RGS5: variants seen among roughly 807,000 people sequenced by gnomAD.
RGS5 encodes the protein regulator of G-protein signalling 5.
RGS5 carries 20 observed loss-of-function variants against 18.9 expected under a neutral mutation model. The ratio of observed to expected loss-of-function variants is 1.06; its 90% confidence interval spans 0.74 to 1.54. RGS5 has a LOEUF of 1.54. RGS5 is among the 40% of genes most tolerant of loss of function. The probability of loss-of-function intolerance (pLI) is 0.00; values close to 1 mark genes in which losing one functional copy is unlikely to be tolerated. For synonymous variants in RGS5, 57 were observed against 76.2 expected (o/e 0.75, Z 1.31); for missense variants, 201 against 211.8 (o/e 0.95, Z 0.32).
chr1:163,208,239 T>G (rs1253523112), intron 1 of RGS5, among the ~76,000 whole-genome samples: 2 of 134,536 alleles, frequency 1.5e-5, no homozygotes, highest in African/African-American at 5.8e-5. Flanking sequence ...TTCCAGCTAC[T>G]CCGGAGGCTG....
chr1:163,279,560 A>G (rs1037820304), intron 2 of RGS5, among the ~76,000 whole-genome samples: 1 of 152,030 alleles, frequency 6.6e-6, no homozygotes, highest in Non-Finnish European at 1.5e-5. Context: ...AAACAACTAC[A>G]TCAAAAAAAC....
chr1:163,268,075 T>A (rs555946758), intron 2 of RGS5, among the ~76,000 whole-genome samples: 1 of 152,082 alleles, frequency 6.6e-6, no homozygotes, highest in Admixed American at 6.6e-5. Flanking sequence ...GTGGCTTTAC[T>A]AGATAACTCA....
intron 2 of RGS5, among the ~76,000 whole-genome samples, chr1:163,274,527 G>C (rs1363621272): frequency 6.6e-6 from 1 of 152,170 alleles, no homozygotes; most frequent in Non-Finnish European, 1.5e-5. Flanking sequence ...TAAGTAGAGT[G>C]TTTTCCTGAG....
intron 2 of RGS5, among the ~76,000 whole-genome samples, chr1:163,243,875 A>G (rs1336728703): frequency 2.0e-5 from 3 of 152,094 alleles, no homozygotes; most frequent in Admixed American, 6.6e-5. Context: ...TGAGAGATAG[A>G]ATATTGTATT....
rs549404455 is a variant in RGS5 at position 163,310,131 on chromosome 1, C to T, written c.-377-3802G>A. ...GTTGTTCCATTGACAGAGTAGAGGC[C>T]GAGTAGATTCAGCATAATTCTTAAG... On this transcript the variant is annotated intron_variant, in intron 1 of 5. Coordinates refer to the RGS5 transcript ENST00000618415. 4.6e-5 allele frequency among the ~76,000 whole-genome samples: 7 copies of T among 152,132 alleles called. No homozygotes were observed. In the South Asian group the frequency reaches 1.0e-3, roughly 23 times the overall value.
chr1:163,151,329 AAAG>A (rs1407326437), intron 4 of RGS5, among the ~76,000 whole-genome samples: 3 of 152,212 alleles, frequency 2.0e-5, no homozygotes, highest in Admixed American at 2.0e-4. Context: ...AATAAAGGAT[AAAG>A]AAGAGTAGAA....
At chr1:163,153,236 T>A (rs936292583) in intron 3 of RGS5, among the ~76,000 whole-genome samples, 2 of 152,166 alleles carry the variant, frequency 1.3e-5, no homozygotes, top group Non-Finnish European at 2.9e-5. Flanking sequence ...GCACTATGAT[T>A]TAAGTCACCA....
chr1:163,226,562 A>G (rs972252253), intron 2 of RGS5, among the ~76,000 whole-genome samples: 5 of 152,126 alleles, frequency 3.3e-5, no homozygotes, highest in African/African-American at 1.2e-4. Context: ...TGTTCCATAA[A>G]TCTATTGTGG....
intron 2 of RGS5, among the ~76,000 whole-genome samples, chr1:163,270,951 T>C (rs565655413): frequency 1.3e-5 from 2 of 152,304 alleles, no homozygotes; most frequent in South Asian, 4.1e-4. Flanking sequence ...TTAAAATAGA[T>C]ACAGCTTTGT....
intron 2 of RGS5, among the ~76,000 whole-genome samples, chr1:163,305,770 CTCTA>C (rs961183803): frequency 1.6e-4 from 24 of 152,144 alleles, no homozygotes; most frequent in Non-Finnish European, 2.8e-4. Context: ...TTGTTTGCAT[CTCTA>C]TCTACTATGA....
chr1:163,269,410 A>G (rs1405429748), intron 2 of RGS5, among the ~76,000 whole-genome samples: 2 of 152,130 alleles, frequency 1.3e-5, no homozygotes, highest in Non-Finnish European at 2.9e-5. Context: ...CATCTCTCCA[A>G]CATAGCAGGG....
intron 1 of RGS5, among the ~76,000 whole-genome samples, chr1:163,171,273 C>T (rs952771768): frequency 1.3e-5 from 2 of 152,022 alleles, no homozygotes; most frequent in African/African-American, 4.8e-5. Context: ...TTGTGGCTAC[C>T]CTCTGCTGAC....
At chr1:163,185,476 G>A (rs1324278842) in intron 1 of RGS5, among the ~76,000 whole-genome samples, 3 of 152,096 alleles carry the variant, frequency 2.0e-5, no homozygotes, top group African/African-American at 7.2e-5. Flanking sequence ...ATTCCATCAA[G>A]AGTCCAGTTA....
At chr1:163,238,506 T>C (rs1647691574) in intron 2 of RGS5, 1 of 154,264 alleles carries the variant, frequency 6.5e-6, no homozygotes, top group South Asian at 2.1e-4. Context: ...GTTTGAACTT[T>C]CCTCTTAATA....
chr1:163,307,843 C>T (rs929297282), intron 1 of RGS5, among the ~76,000 whole-genome samples: 3 of 152,130 alleles, frequency 2.0e-5, no homozygotes, highest in Admixed American at 6.5e-5. Context: ...ACCACAGCAG[C>T]CTTATTAGTA....
rs1392232684 is a variant in RGS5 at position 163,143,328 on chromosome 1, A to C, written c.*4014T>G. On this transcript the variant is annotated 3_prime_UTR_variant, in exon 5 of 5. Transcript: ENST00000313961. ...GCACCAAACTTCATGTCCAAAACCT[A>C]CATAGAATTGCCTACCCCTTGGGTT... The C allele has an allele frequency of 6.6e-6, 1 of 152,182 alleles. No individual in the cohort carries two copies. The highest frequency in any genetic ancestry group is 1.9e-4 in the East Asian group (1 of 5,196). The allele number at this position is 152,182 out of a possible 1,614,324, so 9.4% of individuals were successfully genotyped here.
intron 1 of RGS5, among the ~76,000 whole-genome samples, chr1:163,174,782 T>C (rs1192656558): frequency 6.6e-6 from 1 of 152,200 alleles, no homozygotes; most frequent in African/African-American, 2.4e-5. Context: ...GCATAGGCTA[T>C]TCCTGTGGTT....
chr1:163,222,993 C>A (rs959206455), intron 2 of RGS5, among the ~76,000 whole-genome samples: 20 of 152,068 alleles, frequency 1.3e-4, no homozygotes, highest in African/African-American at 4.3e-4. Context: ...TACAGACGTG[C>A]ACCACCACAT....
intron 1 of RGS5, among the ~76,000 whole-genome samples, chr1:163,173,998 C>T (rs750194304): frequency 2.0e-5 from 3 of 152,136 alleles, no homozygotes; most frequent in Non-Finnish European, 4.4e-5. Context: ...ATTGCTTGAA[C>T]CCAGGAGGTG....
Sources: gnomAD v4.1 joint callset for allele counts (sites outside exome capture counted in the v4.1 genomes callset) on GRCh38, gnomAD v4.1.1 for gene constraint, MANE v1.5 for transcripts, NCBI Gene and HGNC (gene_info 2026-07-23, HGNC 2026-07-21) for gene names.